Variants in ADCY10 observed in about 807,000 individuals in gnomAD.
ADCY10 encodes adenylate cyclase type 10.
Under a neutral mutation model 183.3 loss-of-function variants are expected in ADCY10, and 156 were observed. The ratio of observed to expected loss-of-function variants is 0.85; its 90% CI spans 0.75 to 0.97. ADCY10 has a LOEUF of 0.97. Ranked by LOEUF, ADCY10 falls within the 50% of genes least tolerant of loss-of-function variation. The probability of loss-of-function intolerance (pLI) is 0.00; values close to 1 mark genes in which losing one functional copy is unlikely to be tolerated. For synonymous variants in ADCY10, 645 were observed against 670.0 expected (o/e 0.96, Z 0.58); for missense variants, 1,745 against 1,934.3 (o/e 0.90, Z 1.84).
intron 13 of ADCY10, 55 bp from the exon 14 acceptor site, chr1:167,870,465 A>G (rs1014239783): frequency 6.9e-7 from 1 of 1,456,450 alleles, no homozygotes; most frequent in Non-Finnish European, 9.5e-7. Flanking sequence ...AATAGTCTAG[A>G]GATATAAAAA....
chr1:167,886,036 C>A (rs889486756), intron 8 of ADCY10, among the ~76,000 whole-genome samples: 3 of 151,926 alleles, frequency 2.0e-5, no homozygotes, highest in Admixed American at 6.6e-5. Flanking sequence ...CACTGCTCAA[C>A]GAAGTAAAAG....
intron 2 of ADCY10, 126 bp downstream of exon 2, chr1:167,904,867 C>G (rs1302117899): frequency 1.6e-6 from 2 of 1,239,596 alleles, no homozygotes; most frequent in Non-Finnish European, 2.4e-6. Context: ...CTCAGTGGAG[C>G]ACATCTGCTG....
Position 167,854,481 on chromosome 1 carries a change from C to G in ADCY10, c.2180G>C (p.Gly727Ala). The G allele has an allele frequency of 6.2e-7, 1 of 1,614,152 alleles. No individual in the cohort carries two copies. Among genetic ancestry groups the G allele is most frequent in the Non-Finnish European group, 8.5e-7 (1 of 1,180,014 alleles). The stretch of plus-strand genomic sequence containing the variant: ...AAATGGAATCCCACAGCTTCCCTCC[C>G]CCAGGTACCTGTAGTGAAAACAAGG... ...CISKELDSYLGEGSCGIPFYC... is the reference protein window; with the variant it reads ...CISKELDSYLAEGSCGIPFYC... The change falls in exon 18 of 33, where the codon GGG (glycine) becomes GCG (alanine). Residue 727 changes from glycine to alanine, a missense_variant. Coordinates refer to ENST00000367851, the MANE Select transcript of ADCY10 (RefSeq NM_018417.6).
intron 6 of ADCY10, among the ~76,000 whole-genome samples, chr1:167,897,364 G>C (rs1346254663): frequency 6.6e-6 from 1 of 150,698 alleles, no homozygotes; most frequent in Admixed American, 6.6e-5. Context: ...AGGTGTAGTG[G>C]CACATGTCTG....
rs1663146657 is a variant in ADCY10, at chr1:167,824,677, C to A, written c.3929G>T (p.Gly1310Val). The part of the protein sequence containing the change: ...ETLVFNKLIM[G>V]HLDLAIELGS... ...TAACTCAATGGCCAAATCCAGGTGTCCCATTATGAGCTTGTTGAAGACCAG... is the reference window on the plus strand; with the variant it reads ...TAACTCAATGGCCAAATCCAGGTGTACCATTATGAGCTTGTTGAAGACCAG... Residue 1310 changes from glycine (G) to valine (V), a missense_variant, in exon 27 of 33, where the codon GGA becomes GTA. Physicochemically the swap from Gly to Val is moderately radical, Grantham distance 109. Transcript: ENST00000367851. 1.2e-6 allele frequency: 2 copies of A among 1,614,066 alleles called. No homozygotes were observed. Among genetic ancestry groups the A allele is most frequent in the Non-Finnish European group, 1.7e-6 (2 of 1,180,050 alleles).
Position 167,903,873 on chromosome 1 carries a change from A to G in ADCY10, c.253+14T>C, listed in dbSNP as rs764916536. 12 of 1,577,424 alleles carry G rather than the reference A, an allele frequency of 7.6e-6. No individual in the cohort carries two copies. In the South Asian group the frequency reaches 8.9e-5, roughly 12 times the overall value. On this transcript the variant is annotated intron_variant, in intron 3 of 32. Transcript: ENST00000367851. Reference sequence around the variant, plus strand: ...TGAAATATTCTCAAGCCAGAAACCTATGGGAACACTTACTCTCCACTATTG... The same window carrying G: ...TGAAATATTCTCAAGCCAGAAACCTGTGGGAACACTTACTCTCCACTATTG...
rs759583549 is a variant in ADCY10, at chr1:167,883,502, T to C, written c.955A>G (p.Met319Val). 11 of 1,614,158 alleles carry C rather than the reference T, an allele frequency of 6.8e-6. No individual in the cohort carries two copies. The highest frequency in any genetic ancestry group is 7.6e-6 in the Non-Finnish European group (9 of 1,180,052). ...EIGPAIQDAY[M>V]HITSVLKIFQ... ...ATCTTCAGGACAGAAGTGATGTGCA[T>C]ATAGGCATCCTGGATGGCTGGGCCT... Residue 319 changes from methionine (M) to valine (V), a missense_variant, in exon 9 of 33, where the codon ATG (methionine) becomes GTG (valine). By Grantham distance (21) the Met-to-Val change is conservative. Transcript: ENST00000367851.
intron 8 of ADCY10, among the ~76,000 whole-genome samples, chr1:167,885,806 G>A (rs375939361): frequency 1.5e-4 from 23 of 152,152 alleles, no homozygotes; most frequent in African/African-American, 5.3e-4. Context: ...AGTAGAGACG[G>A]GGTTTCACCA....
intron 8 of ADCY10, among the ~76,000 whole-genome samples, chr1:167,887,466 G>T (rs997533794): frequency 1.2e-4 from 19 of 152,078 alleles, no homozygotes; most frequent in Admixed American, 9.2e-4. Flanking sequence ...AACACCACAT[G>T]TTCTCACTCA....
chr1:167,809,777 G>A lies in ADCY10; in HGVS notation c.4734C>T (p.Leu1578=), dbSNP rs1662084267. 1.2e-6 allele frequency: 2 copies of A among 1,613,980 alleles called. No homozygotes were observed. Among genetic ancestry groups the A allele is most frequent in the African/African-American group, 1.3e-5 (1 of 74,892 alleles). Reference sequence around the variant, plus strand: ...CTGCTACAATTTTTTCCCATGATGGGAGACTCAAGATCGTCTGAAGCCATT... The same window carrying A: ...CTGCTACAATTTTTTCCCATGATGGAAGACTCAAGATCGTCTGAAGCCATT... The part of the protein sequence containing the change: ...EDQWLQTILS[L]PSWEKIVAGR... The change falls in exon 33 of 33, where the codon CTC becomes CTT. Residue 1578 remains leucine (L), a synonymous_variant. Coordinates refer to ENST00000367851, the MANE Select transcript of ADCY10 (RefSeq NM_018417.6).
At chr1:167,840,802 A>G (rs573425061) in intron 21 of ADCY10, among the ~76,000 whole-genome samples, 1 of 152,328 alleles carries the variant, frequency 6.6e-6, no homozygotes, top group South Asian at 2.1e-4. Flanking sequence ...GAGAAAAGCA[A>G]AGATATCACC....
intron 3 of ADCY10, 128 bp from the exon 4 acceptor site, chr1:167,902,182 A>C: frequency 2.1e-6 from 2 of 951,698 alleles, no homozygotes; most frequent in South Asian, 2.8e-5. Flanking sequence ...CTTATACTAA[A>C]GATCTCATCC....
At chr1:167,812,497 C>A (rs185437635) in intron 31 of ADCY10, among the ~76,000 whole-genome samples, 3 of 152,098 alleles carry the variant, frequency 2.0e-5, no homozygotes. Context: ...CAATAAAAAA[C>A]AAAAACAACA....
In ADCY10 at chr1:167,845,580, A is replaced by G; in HGVS notation, c.2990T>C (p.Met997Thr). Residue 997 changes from methionine to threonine, a missense_variant, in exon 21 of 33, where the codon ATG (methionine) becomes ACG (threonine). Met to Thr is a moderately conservative substitution (Grantham distance 81). Transcript: ENST00000367851. ...LDMDAIKKMAMSHGFKTEEKL... is the reference protein window; with the variant it reads ...LDMDAIKKMATSHGFKTEEKL... Reference sequence around the variant, plus strand: ...TAGGTTACTTTTAAATCCATGAGACATAGCCATCTTTTTAATGGCATCCAT... The same window carrying G: ...TAGGTTACTTTTAAATCCATGAGACGTAGCCATCTTTTTAATGGCATCCAT... 1.2e-6 allele frequency: 2 copies of G among 1,614,212 alleles called. 1 individual carries two copies. Among genetic ancestry groups the G allele is most frequent in the South Asian group, 2.2e-5 (2 of 91,082 alleles).
intron 8 of ADCY10, among the ~76,000 whole-genome samples, chr1:167,890,792 T>C (rs1668532913): frequency 6.6e-6 from 1 of 152,214 alleles, no homozygotes; most frequent in Non-Finnish European, 1.5e-5. Flanking sequence ...TTTCACATTC[T>C]GTCCTACTCT....
At chr1:167,842,541 A>G (rs1302760285) in intron 21 of ADCY10, among the ~76,000 whole-genome samples, 2 of 151,954 alleles carry the variant, frequency 1.3e-5, no homozygotes, top group Non-Finnish European at 2.9e-5. Context: ...TAGACAGAGT[A>G]TCTATCTGTC....
intron 5 of ADCY10, among the ~76,000 whole-genome samples, chr1:167,899,918 T>C (rs1419521884): frequency 2.0e-5 from 3 of 152,236 alleles, no homozygotes; most frequent in Non-Finnish European, 2.9e-5. Flanking sequence ...TTTCTTCAAT[T>C]ATGTATACTT....
chr1:167,820,279 G>A (rs1054242646), intron 30 of ADCY10: 41 of 1,383,412 alleles, frequency 3.0e-5, no homozygotes, highest in Non-Finnish European at 3.7e-5. Flanking sequence ...TGCTGGCGCC[G>A]CAGCGCCGGC....
Position 167,824,845 on chromosome 1 carries a change from G to A in ADCY10, c.3761C>T (p.Ala1254Val), listed in dbSNP as rs1663164908. 4.3e-6 allele frequency: 7 copies of A among 1,614,248 alleles called. No homozygotes were observed. The highest frequency in any genetic ancestry group is 1.1e-5 in the South Asian group (1 of 91,082). Residue 1254 changes from alanine to valine, a missense_variant, in exon 27 of 33, where the codon GCT becomes GTT. Transcript: ENST00000367851. ...ETQNCFQIIK[A>V]YLDYSLYHHL... Reference sequence around the variant, plus strand: ...GTGGTATAGCGAATAGTCTAGGTAAGCCTTAATGATCTGAAATGGCAGAGT... The same window carrying A: ...GTGGTATAGCGAATAGTCTAGGTAAACCTTAATGATCTGAAATGGCAGAGT...
Sources: gnomAD v4.1 joint callset for allele counts (sites outside exome capture counted in the v4.1 genomes callset) on GRCh38, gnomAD v4.1.1 for gene constraint, MANE v1.5 for transcripts, NCBI Gene and HGNC (gene_info 2026-07-23, HGNC 2026-07-21) for gene names.